Variants in SCN11A observed in about 807,000 individuals in gnomAD.
SCN11A encodes sodium voltage-gated channel alpha subunit 11.
SCN11A carries 122 observed loss-of-function variants against 162.2 expected under a neutral mutation model. The observed-to-expected ratio is 0.75, with a 90% CI of 0.65 to 0.87. The LOEUF (loss-of-function observed/expected upper bound fraction) is 0.87. Among genes scored for constraint, SCN11A ranks in the 40% least tolerant of loss-of-function variants. SCN11A has a pLI of 0.00. For missense variants in SCN11A, 2,015 were observed against 2,181.6 expected, an observed-to-expected ratio of 0.92 and a Z score of 1.52; for synonymous variants, 758 against 751.5, an observed-to-expected ratio of 1.01 and a Z score of -0.14.
At chr3:38,986,011 G>A (rs982381265) in intron 2 of SCN11A, among the ~76,000 whole-genome samples, 2 of 151,042 alleles carry the variant, frequency 1.3e-5, no homozygotes, top group Non-Finnish European at 2.9e-5. Flanking sequence ...TCCCTACCGG[G>A]ACCTTTCCAC....
intron 1 of SCN11A, among the ~76,000 whole-genome samples, chr3:39,051,382 G>T (rs2032370711): frequency 6.6e-6 from 1 of 152,030 alleles, no homozygotes; most frequent in Admixed American, 6.6e-5. Context: ...GCGGTATTTG[G>T]TTTTCTGTTC....
intron 2 of SCN11A, among the ~76,000 whole-genome samples, chr3:39,009,186 A>G (rs2031059215): frequency 6.6e-6 from 1 of 152,114 alleles, no homozygotes; most frequent in Non-Finnish European, 1.5e-5. Flanking sequence ...AAATAATATC[A>G]TTCTTATTAT....
At chr3:38,873,339 A>G (rs1310613733) in intron 23 of SCN11A, among the ~76,000 whole-genome samples, 1 of 152,198 alleles carries the variant, frequency 6.6e-6, no homozygotes, top group Non-Finnish European at 1.5e-5. Context: ...CTGATGTCAG[A>G]GTTCACTATT....
chr3:38,856,757 G>T (rs1275135480), intron 28 of SCN11A, among the ~76,000 whole-genome samples: 1 of 152,088 alleles, frequency 6.6e-6, no homozygotes, highest in African/African-American at 2.4e-5. Context: ...CACCATGAGA[G>T]AACCAGATAA....
chr3:38,888,185 T>C (rs2065434512), intron 19 of SCN11A, among the ~76,000 whole-genome samples: 1 of 152,176 alleles, frequency 6.6e-6, no homozygotes, highest in East Asian at 1.9e-4. Flanking sequence ...TACAATTGTA[T>C]AAAGCTGCAT....
chr3:39,010,603 C>T (rs1031888025), intron 2 of SCN11A, among the ~76,000 whole-genome samples: 178 of 152,224 alleles, frequency 1.2e-3, no homozygotes, highest in Non-Finnish European at 2.2e-3. Flanking sequence ...TGGTCTTGAT[C>T]TCCTGACCTC....
chr3:38,989,318 C>T (rs1474443412), intron 2 of SCN11A, among the ~76,000 whole-genome samples: 1 of 152,054 alleles, frequency 6.6e-6, no homozygotes, highest in Non-Finnish European at 1.5e-5. Flanking sequence ...TAACTGAGGC[C>T]CCAGACATCA....
intron 14 of SCN11A, among the ~76,000 whole-genome samples, chr3:38,906,718 CCT>C (rs1486264415): frequency 2.6e-5 from 4 of 152,152 alleles, no homozygotes; most frequent in Non-Finnish European, 5.9e-5. Flanking sequence ...CCTCCAATCC[CCT>C]GTCTTCAATG....
At chr3:39,025,597 C>A (rs1047710311) in intron 2 of SCN11A, among the ~76,000 whole-genome samples, 1 of 152,040 alleles carries the variant, frequency 6.6e-6, no homozygotes, top group Admixed American at 6.5e-5. Context: ...ACTGTCATGG[C>A]GCTGGTGGGA....
chr3:38,865,775 A>T (rs2065029785), intron 27 of SCN11A, among the ~76,000 whole-genome samples: 1 of 152,148 alleles, frequency 6.6e-6, no homozygotes, highest in South Asian at 2.1e-4. Context: ...TAAATAAAAA[A>T]CTCTTAAAGG....
chr3:38,976,075 A>T (rs1045840129), intron 2 of SCN11A, among the ~76,000 whole-genome samples: 1 of 152,182 alleles, frequency 6.6e-6, no homozygotes, highest in Non-Finnish European at 1.5e-5. Context: ...CATAATAAGC[A>T]TAATAAGATA....
At chr3:39,033,080 G>A (rs2031804581) in intron 1 of SCN11A, among the ~76,000 whole-genome samples, 2 of 152,012 alleles carry the variant, frequency 1.3e-5, no homozygotes, top group African/African-American at 2.4e-5. Flanking sequence ...TTGAACCTGG[G>A]AGGTGGAGGT....
At chr3:39,038,740 C>T (rs1392253602) in intron 1 of SCN11A, among the ~76,000 whole-genome samples, 1 of 152,152 alleles carries the variant, frequency 6.6e-6, no homozygotes, top group East Asian at 1.9e-4. Flanking sequence ...CATTCTGATA[C>T]TTATGGACTA....
intron 16 of SCN11A, 60 bp downstream of exon 16, chr3:38,903,805 G>A (rs1371715349): frequency 1.5e-5 from 19 of 1,306,310 alleles, no homozygotes; most frequent in South Asian, 4.5e-5. Flanking sequence ...TTTAGACTTT[G>A]AAAAAGTTAT....
Position 38,925,516 on chromosome 3 carries a change from G to A in SCN11A, c.618-7C>T, listed in dbSNP as rs1319043849. 1 of 1,600,148 alleles carries A rather than the reference G, an allele frequency of 6.2e-7. No homozygotes were observed. Among genetic ancestry groups the A allele is most frequent in the Non-Finnish European group, 8.6e-7 (1 of 1,167,366 alleles). On this transcript the variant is annotated splice_region_variant and splice_polypyrimidine_tract_variant and intron_variant, in intron 8 of 29. Transcript: ENST00000302328. ...TGGAATATATGACACAATCCTACAAGACAAAGCACAGGGAAGGCATGGGCT... is the reference window on the plus strand; with the variant it reads ...TGGAATATATGACACAATCCTACAAAACAAAGCACAGGGAAGGCATGGGCT...
chr3:38,858,382 A>G (rs1335315130), intron 28 of SCN11A, among the ~76,000 whole-genome samples: 1 of 152,156 alleles, frequency 6.6e-6, no homozygotes, highest in Non-Finnish European at 1.5e-5. Context: ...TACATCAGAC[A>G]AAACAGACTT....
chr3:38,935,439 C>G (rs1481552984), intron 7 of SCN11A, among the ~76,000 whole-genome samples: 1 of 152,092 alleles, frequency 6.6e-6, no homozygotes, highest in African/African-American at 2.4e-5. Context: ...AATCCAGGAG[C>G]TGGTTTTTTG....
chr3:38,975,613 A>G (rs2066845342), intron 2 of SCN11A, among the ~76,000 whole-genome samples: 1 of 152,248 alleles, frequency 6.6e-6, no homozygotes, highest in South Asian at 2.1e-4. Flanking sequence ...AAGTTGTTCA[A>G]GTGGACATAG....
intron 7 of SCN11A, among the ~76,000 whole-genome samples, chr3:38,934,739 T>G (rs2066302049): frequency 6.6e-6 from 1 of 151,758 alleles, no homozygotes; most frequent in African/African-American, 2.4e-5. Flanking sequence ...AAGTCCTGAG[T>G]GACCTACAAA....
Sources: gnomAD v4.1 joint callset for allele counts (sites outside exome capture counted in the v4.1 genomes callset) on GRCh38, gnomAD v4.1.1 for gene constraint, MANE v1.5 for transcripts, NCBI Gene and HGNC (gene_info 2026-07-23, HGNC 2026-07-21) for gene names.